CALD1: variants seen among roughly 807,000 people sequenced by gnomAD.
CALD1 encodes caldesmon 1.
Under a neutral mutation model 99.9 loss-of-function variants are expected in CALD1, and 33 were observed. That is an observed-to-expected ratio of 0.33 (90% CI 0.25 to 0.44). The LOEUF (loss-of-function observed/expected upper bound fraction) is 0.44, where lower values mean the gene tolerates loss of function less well. Among genes scored for constraint, CALD1 ranks in the 20% least tolerant of loss-of-function variants. CALD1 has a pLI of 1.00. For synonymous variants in CALD1, 310 were observed against 325.0 expected (o/e 0.95, Z 0.50); for missense variants, 861 against 962.1 (o/e 0.89, Z 1.39).
At chr7:134,812,665 A>C (rs1798398956) in intron 1 of CALD1, among the ~76,000 whole-genome samples, 1 of 152,170 alleles carries the variant, frequency 6.6e-6, no homozygotes. Flanking sequence ...ACTTAGGAAG[A>C]ACATACAAGG....
At chr7:134,881,252 T>C (rs1048227171) in intron 3 of CALD1, among the ~76,000 whole-genome samples, 1 of 152,186 alleles carries the variant, frequency 6.6e-6, no homozygotes, top group Admixed American at 6.5e-5. Flanking sequence ...GAGCACACAG[T>C]CAGTGGCAGG....
intron 1 of CALD1, among the ~76,000 whole-genome samples, chr7:134,753,034 A>C (rs200075866): frequency 0.11 from 2,223 of 20,782 alleles, 68 homozygotes; most frequent in East Asian, 0.53. Context: ...AAAAAAAAAC[A>C]AAAAAAAAAA....
chr7:134,944,208 A>C (rs149407977), intron 7 of CALD1, among the ~76,000 whole-genome samples: 1 of 152,180 alleles, frequency 6.6e-6, no homozygotes, highest in Admixed American at 6.5e-5. Context: ...TTTGAGTTCA[A>C]AATAAAAGTT....
At position 134,933,169 on chromosome 7, in the gene CALD1, A is replaced by G; in HGVS notation, c.400A>G (p.Ser134Gly). ...TITDASLSLP[S>G]RRMQNDTAEN... is the part of the protein sequence containing the mutation. ...AACAGATGCAAGTCTGTCGCTCCCA[A>G]GCAGAAGAATGCAAAATGACACAGC... is the stretch of plus-strand genomic sequence containing the variant. Residue 134 changes from serine (S) to glycine (G), a missense_variant, in exon 5 of 15, where the codon AGC becomes GGC. By Grantham distance (56) the Ser-to-Gly change is moderately conservative. Transcript: ENST00000361675. The G allele has an allele frequency of 3.1e-6, 5 of 1,613,444 alleles. No individual in the cohort carries two copies. In the African/African-American group the frequency reaches 5.3e-5, roughly 17 times the overall value.
intron 1 of CALD1, among the ~76,000 whole-genome samples, chr7:134,750,506 T>G (rs1796676419): frequency 1.3e-5 from 2 of 152,204 alleles, no homozygotes; most frequent in South Asian, 4.1e-4. Flanking sequence ...TACCTTCTTT[T>G]GGGAGAACCA....
At chr7:134,724,101 G>T in the CALD1 span, among the ~76,000 whole-genome samples, 3 of 152,226 alleles carry the variant, frequency 2.0e-5, no homozygotes, top group African/African-American at 7.2e-5. Context: ...GGACTTTGCT[G>T]CCCAGAGGGA....
chr7:134,812,480 C>T (rs3304), intron 1 of CALD1, among the ~76,000 whole-genome samples: 27,192 of 151,568 alleles, frequency 0.18, 2,574 homozygotes, highest in East Asian at 0.27. Flanking sequence ...TCGACAATAT[C>T]GGGAGTGTTT....
At chr7:134,804,034 T>C (rs760568159) in intron 1 of CALD1, among the ~76,000 whole-genome samples, 3 of 152,226 alleles carry the variant, frequency 2.0e-5, no homozygotes, top group Non-Finnish European at 4.4e-5. Context: ...TTCTGTTCTA[T>C]AGATTCATTT....
At chr7:134,759,165 G>C (rs1372385656) in intron 1 of CALD1, among the ~76,000 whole-genome samples, 2 of 152,152 alleles carry the variant, frequency 1.3e-5, no homozygotes, top group Non-Finnish European at 2.9e-5. Context: ...ATGCCCTCTA[G>C]CAAACTAGAG....
chr7:134,962,791 A>T (rs1403743106), intron 13 of CALD1: 3 of 448,870 alleles, frequency 6.7e-6, no homozygotes, highest in South Asian at 4.8e-5. Flanking sequence ...TTTTGTTTAA[A>T]AAAAAACAAC....
At chr7:134,740,588 C>T (rs536694602), upstream of CALD1, among the ~76,000 whole-genome samples, 1 of 152,282 alleles carries the variant, frequency 6.6e-6, no homozygotes, top group Non-Finnish European at 1.5e-5. Flanking sequence ...GTGTGATGAT[C>T]GTGAGAAGCG....
intron 11 of CALD1, among the ~76,000 whole-genome samples, chr7:134,959,381 T>A (rs1385480899): frequency 1.3e-5 from 2 of 151,848 alleles, no homozygotes; most frequent in Non-Finnish European, 2.9e-5. Context: ...ATTTAAGAAG[T>A]ATTGTTGAGG....
At chr7:134,781,151 A>G (rs144092946) in intron 1 of CALD1, among the ~76,000 whole-genome samples, 2 of 152,338 alleles carry the variant, frequency 1.3e-5, no homozygotes, top group South Asian at 2.1e-4. Flanking sequence ...GGCAAAAGCT[A>G]TAGTTTAATT....
intron 3 of CALD1, among the ~76,000 whole-genome samples, chr7:134,887,794 G>A (rs1255844694): frequency 2.1e-5 from 3 of 142,366 alleles, no homozygotes; most frequent in Non-Finnish European, 3.0e-5. Context: ...ATGTGTATGT[G>A]TGCGCATGTG....
At chr7:134,723,747 G>A in the CALD1 span, among the ~76,000 whole-genome samples, 7 of 151,984 alleles carry the variant, frequency 4.6e-5, no homozygotes, top group South Asian at 2.1e-4. Context: ...TGGAAGCCAC[G>A]GATGCTACTG....
upstream of CALD1, among the ~76,000 whole-genome samples, chr7:134,740,218 GT>G (rs1167851957): frequency 6.6e-6 from 1 of 151,980 alleles, no homozygotes; most frequent in African/African-American, 2.4e-5. Flanking sequence ...CCTCATTTTG[GT>G]CAACATTTGA....
intron 1 of CALD1, among the ~76,000 whole-genome samples, chr7:134,760,217 G>C (rs1489015564): frequency 6.6e-6 from 1 of 152,214 alleles, no homozygotes; most frequent in African/African-American, 2.4e-5. Context: ...TACCCTGAGT[G>C]TGGTAGGAAA....
At chr7:134,904,943 A>T (rs1803262368) in intron 3 of CALD1, among the ~76,000 whole-genome samples, 1 of 152,126 alleles carries the variant, frequency 6.6e-6, no homozygotes, top group African/African-American at 2.4e-5. Flanking sequence ...GATAGAGAAA[A>T]TAAGAGATGA....
At chr7:134,881,177 C>T (rs1422662359) in intron 3 of CALD1, among the ~76,000 whole-genome samples, 1 of 152,136 alleles carries the variant, frequency 6.6e-6, no homozygotes, top group Non-Finnish European at 1.5e-5. Flanking sequence ...CTCTTTCCTA[C>T]GTTCTCTGAA....
Sources: allele counts gnomAD v4.1 joint callset (sites outside exome capture counted in the v4.1 genomes callset), GRCh38; gene constraint gnomAD v4.1.1; transcripts MANE v1.5; gene names NCBI Gene and HGNC (gene_info 2026-07-23, HGNC 2026-07-21).